GMDS: variants seen among roughly 807,000 people sequenced by gnomAD.
The protein encoded by GMDS is GDP-mannose 4,6-dehydratase, also known as GDP-mannose 4,6 dehydratase.
A neutral mutation model predicts 49.9 loss-of-function variants in GMDS; 20 were observed. That is an observed-to-expected ratio of 0.40 (90% CI 0.28 to 0.58). GMDS has a LOEUF of 0.58. Ranked by LOEUF, GMDS falls within the 20% of genes least tolerant of loss-of-function variation. The probability of loss-of-function intolerance (pLI) is 0.42; values close to 1 mark genes in which losing one functional copy is unlikely to be tolerated. For missense variants in GMDS, 362 were observed against 481.4 expected (o/e 0.75, Z 2.32); for synonymous variants, 177 against 178.6 (o/e 0.99, Z 0.07).
intron 4 of GMDS, among the ~76,000 whole-genome samples, chr6:2,019,493 C>G (rs186935810): frequency 6.6e-6 from 1 of 152,176 alleles, no homozygotes; most frequent in Admixed American, 6.5e-5. Flanking sequence ...TTTTTAGTCT[C>G]ACTCTGTTGC....
At chr6:1,789,911 A>G (rs1769468701) in intron 7 of GMDS, among the ~76,000 whole-genome samples, 1 of 152,128 alleles carries the variant, frequency 6.6e-6, no homozygotes, top group South Asian at 2.1e-4. Flanking sequence ...AAGAAGTGGC[A>G]TATCTGTTTA....
At chr6:2,089,841 G>C (rs1216356893) in intron 4 of GMDS, among the ~76,000 whole-genome samples, 1 of 152,128 alleles carries the variant, frequency 6.6e-6, no homozygotes, top group Admixed American at 6.5e-5. Flanking sequence ...ACCTTCTTAG[G>C]AATCCCCCTC....
chr6:1,856,996 C>T (rs1389480975), intron 7 of GMDS, among the ~76,000 whole-genome samples: 1 of 152,108 alleles, frequency 6.6e-6, no homozygotes, highest in African/African-American at 2.4e-5. Flanking sequence ...GAACTCAGTC[C>T]CAGAATGCAT....
At chr6:2,057,236 C>T (rs1770829986) in intron 4 of GMDS, among the ~76,000 whole-genome samples, 1 of 152,138 alleles carries the variant, frequency 6.6e-6, no homozygotes, top group South Asian at 2.1e-4. Context: ...GTTTATCTCA[C>T]CCACTGATAC....
At chr6:1,846,375 G>A (rs1291500522) in intron 7 of GMDS, among the ~76,000 whole-genome samples, 1 of 152,160 alleles carries the variant, frequency 6.6e-6, no homozygotes, top group East Asian at 1.9e-4. Context: ...TTACAGGTGT[G>A]AGCCACTGTG....
chr6:1,797,839 T>A (rs570831217), intron 7 of GMDS, among the ~76,000 whole-genome samples: 2 of 152,300 alleles, frequency 1.3e-5, no homozygotes, highest in East Asian at 3.9e-4. Flanking sequence ...TGGAGTGTCC[T>A]CTATAATTAC....
intron 1 of GMDS, among the ~76,000 whole-genome samples, chr6:2,194,855 C>G (rs1779213387): frequency 6.6e-6 from 1 of 152,190 alleles, no homozygotes; most frequent in African/African-American, 2.4e-5. Flanking sequence ...ACAATTAGTA[C>G]AGTCAACTGA....
At chr6:1,658,780 A>G (rs1001058306) in intron 9 of GMDS, among the ~76,000 whole-genome samples, 3 of 152,252 alleles carry the variant, frequency 2.0e-5, no homozygotes, top group African/African-American at 4.8e-5. Flanking sequence ...GGGAAGGCCA[A>G]CATTCTGACT....
chr6:1,688,095 T>C (rs879823465), intron 9 of GMDS, among the ~76,000 whole-genome samples: 1 of 152,124 alleles, frequency 6.6e-6, no homozygotes, highest in Non-Finnish European at 1.5e-5. Context: ...TTAGCGGGGC[T>C]TGGGAGGCTG....
chr6:1,730,823 C>A (rs1363922965), intron 8 of GMDS, among the ~76,000 whole-genome samples: 1 of 152,028 alleles, frequency 6.6e-6, no homozygotes, highest in Non-Finnish European at 1.5e-5. Context: ...TTTTAGGCCC[C>A]CCACTTTTAA....
rs536603444 is a variant in GMDS, at chr6:2,205,767, G to A, written c.102+39554C>T. Among the ~76,000 whole-genome samples the A allele has an allele frequency of 4.6e-5, 7 of 152,030 alleles. No homozygotes were observed. The South Asian group carries it at 1.2e-3, about 27-fold the overall frequency. On this transcript the variant is annotated intron_variant, in intron 1 of 10. Transcript: ENST00000380815. ...TCACTCTTCAGTCCAAGCCTTCAGG[G>A]TGTGTGTGTGGGGGGGGAGGGGGGT...
At chr6:1,998,322 C>T (rs1371053988) in intron 4 of GMDS, among the ~76,000 whole-genome samples, 1 of 151,968 alleles carries the variant, frequency 6.6e-6, no homozygotes, top group Non-Finnish European at 1.5e-5. Context: ...CGCACAAACT[C>T]CTGGTAGAGT....
intron 7 of GMDS, among the ~76,000 whole-genome samples, chr6:1,815,611 T>C (rs1330090935): frequency 2.6e-5 from 4 of 152,208 alleles, no homozygotes; most frequent in Non-Finnish European, 5.9e-5. Context: ...ATGGGCCACA[T>C]GCTTTTTTCA....
intron 9 of GMDS, among the ~76,000 whole-genome samples, chr6:1,717,249 C>A (rs1041995678): frequency 6.6e-6 from 1 of 152,234 alleles, no homozygotes; most frequent in African/African-American, 2.4e-5. Context: ...TTACTTGTTA[C>A]ATCAGCAATA....
At chr6:1,825,113 G>A (rs571555549) in intron 7 of GMDS, among the ~76,000 whole-genome samples, 51 of 152,256 alleles carry the variant, frequency 3.3e-4, no homozygotes, top group Admixed American at 3.3e-3. Flanking sequence ...CAGATAAATC[G>A]CATTACGAAA....
chr6:1,959,919 A>G lies in GMDS; in HGVS notation c.591T>C (p.Tyr197=), dbSNP rs769728332. ...YWIVVNFREA[Y]NLFAVNGILF... is the part of the protein sequence containing the mutation. Reference sequence around the variant, plus strand: ...GAATGCCGTTCACTGCAAAGAGATTATACGCCTCACGGAAGTTCACCACAA... The same window carrying G: ...GAATGCCGTTCACTGCAAAGAGATTGTACGCCTCACGGAAGTTCACCACAA... Residue 197 remains tyrosine (Y), a synonymous_variant, in exon 6 of 11, where the codon TAT becomes TAC. Transcript: ENST00000380815. The G allele has an allele frequency of 3.1e-6, 5 of 1,612,172 alleles. No homozygotes were observed. The Admixed American group carries it at 8.4e-5, about 27-fold the overall frequency.
intron 9 of GMDS, among the ~76,000 whole-genome samples, chr6:1,708,670 A>T (rs889878043): frequency 1.3e-5 from 2 of 152,218 alleles, no homozygotes; most frequent in Non-Finnish European, 2.9e-5. Context: ...AAAATCTCAT[A>T]GTCTATTCTA....
At chr6:1,748,755 G>A (rs576466548) in intron 7 of GMDS, among the ~76,000 whole-genome samples, 83 of 152,374 alleles carry the variant, frequency 5.4e-4, no homozygotes, top group African/African-American at 1.8e-3. Context: ...CATGGACTAC[G>A]ATTTGCCCAC....
intron 7 of GMDS, among the ~76,000 whole-genome samples, chr6:1,861,556 C>G (rs1468127099): frequency 1.3e-5 from 2 of 151,526 alleles, no homozygotes; most frequent in African/African-American, 4.9e-5. Flanking sequence ...GAGCAGATTC[C>G]TCTAATTTCG....
Sources: allele counts gnomAD v4.1 joint callset (sites outside exome capture counted in the v4.1 genomes callset), GRCh38; gene constraint gnomAD v4.1.1; transcripts MANE v1.5; gene names NCBI Gene and HGNC (gene_info 2026-07-23, HGNC 2026-07-21).